The following CFAP299 variants were observed in gnomAD, a reference collection of about 807,000 sequenced individuals.
The protein encoded by CFAP299 is cilia and flagella associated protein 299.
In CFAP299, 21 loss-of-function variants were observed where a neutral mutation model predicts 27.0. That is an observed-to-expected ratio of 0.78 (90% confidence interval 0.55 to 1.12). The LOEUF is 1.12. Ranked by LOEUF, CFAP299 falls within the 50% of genes most tolerant of loss-of-function variation. CFAP299 has a pLI of 0.00. For missense variants in CFAP299, 310 were observed against 276.6 expected (o/e 1.12, Z -0.86); for synonymous variants, 104 against 98.1 (o/e 1.06, Z -0.36).
At chr4:80,445,267 A>T (rs1347379555) in intron 2 of CFAP299, among the ~76,000 whole-genome samples, 2 of 152,228 alleles carry the variant, frequency 1.3e-5, no homozygotes, top group Non-Finnish European at 2.9e-5. Flanking sequence ...TAGACTTGGA[A>T]CCAACCCAGA....
chr4:80,728,725 A>C (rs1723305696), intron 3 of CFAP299, among the ~76,000 whole-genome samples: 1 of 152,270 alleles, frequency 6.6e-6, no homozygotes, highest in East Asian at 1.9e-4. Flanking sequence ...TTCCTGCATT[A>C]GTCCCCAAAT....
chr4:80,852,797 T>C (rs1297206725), intron 3 of CFAP299, among the ~76,000 whole-genome samples: 5 of 152,206 alleles, frequency 3.3e-5, no homozygotes, highest in African/African-American at 1.2e-4. Context: ...GTTCTCTTTC[T>C]AATATTCAGC....
intron 2 of CFAP299, among the ~76,000 whole-genome samples, chr4:80,490,709 T>C (rs73829294): frequency 0.044 from 6,736 of 152,266 alleles, 508 homozygotes; most frequent in African/African-American, 0.15. Context: ...TTTAAATCAC[T>C]TTACAAAACA....
intron 3 of CFAP299, among the ~76,000 whole-genome samples, chr4:80,658,941 C>T (rs1740694208): frequency 6.6e-6 from 1 of 152,002 alleles, no homozygotes; most frequent in African/African-American, 2.4e-5. Flanking sequence ...TTATATTTTC[C>T]ACAGTAAAAA....
Position 80,394,779 on chromosome 4 carries a change from C to G in CFAP299, c.242+31895C>G, listed in dbSNP as rs564871685. On this transcript the variant is annotated intron_variant, in intron 2 of 5. Coordinates refer to ENST00000358105, the MANE Select transcript of CFAP299 (RefSeq NM_152770.3). ...TGGGCTTTCTGTTCTGGTTCATTGGCTTGTATGTCTGTTTTTATGCTGGTA... is the reference window on the plus strand; with the variant it reads ...TGGGCTTTCTGTTCTGGTTCATTGGGTTGTATGTCTGTTTTTATGCTGGTA... Among the ~76,000 whole-genome samples, 8 of 152,130 alleles carry G rather than the reference C, an allele frequency of 5.3e-5. No individual in the cohort carries two copies. In the East Asian group the frequency reaches 1.5e-3, roughly 29 times the overall value.
intron 4 of CFAP299, among the ~76,000 whole-genome samples, chr4:80,877,529 G>A (rs554010653): frequency 6.6e-6 from 1 of 152,258 alleles, no homozygotes; most frequent in South Asian, 2.1e-4. Context: ...TCTAGAATGT[G>A]TTTCCTTGAA....
chr4:80,896,305 G>A (rs189131783), intron 4 of CFAP299, among the ~76,000 whole-genome samples: 1 of 152,024 alleles, frequency 6.6e-6, no homozygotes, highest in Admixed American at 6.6e-5. Flanking sequence ...TTTTCAAAGT[G>A]GATACAATTT....
chr4:80,406,626 TC>T (rs1726438052), intron 2 of CFAP299, among the ~76,000 whole-genome samples: 2 of 152,096 alleles, frequency 1.3e-5, no homozygotes, highest in African/African-American at 4.8e-5. Flanking sequence ...TTAGTTAGTC[TC>T]CCAAAGCACT....
intron 2 of CFAP299, among the ~76,000 whole-genome samples, chr4:80,390,610 C>CATATATGTATATATGTATACACACAT (rs1416961189): frequency 7.0e-5 from 2 of 28,674 alleles, no homozygotes; most frequent in African/African-American, 2.4e-4. Flanking sequence ...TGTATACACA[C>CATATATGTATATATGTATACACACAT]ATATGTATAT....
At chr4:80,570,845 T>C (rs920599717) in intron 2 of CFAP299, among the ~76,000 whole-genome samples, 1 of 152,112 alleles carries the variant, frequency 6.6e-6, no homozygotes, top group Non-Finnish European at 1.5e-5. Flanking sequence ...AAATAAATGG[T>C]TGTATATTCA....
chr4:80,929,684 C>T (rs2110217495), intron 4 of CFAP299, among the ~76,000 whole-genome samples: 1 of 152,290 alleles, frequency 6.6e-6, no homozygotes, highest in African/African-American at 2.4e-5. Flanking sequence ...CTCTCTCTGC[C>T]TCCTGCCCCT....
At chr4:80,514,858 G>A (rs1290906269) in intron 2 of CFAP299, among the ~76,000 whole-genome samples, 1 of 152,002 alleles carries the variant, frequency 6.6e-6, no homozygotes, top group African/African-American at 2.4e-5. Flanking sequence ...TAAAAAAATA[G>A]TAATTTAGTA....
At chr4:80,538,301 TAA>T (rs1225659385) in intron 2 of CFAP299, among the ~76,000 whole-genome samples, 1 of 152,174 alleles carries the variant, frequency 6.6e-6, no homozygotes, top group Non-Finnish European at 1.5e-5. Context: ...CAGTGTTATT[TAA>T]AAAGAGTTAA....
intron 3 of CFAP299, among the ~76,000 whole-genome samples, chr4:80,671,834 C>T (rs954735063): frequency 6.6e-6 from 1 of 152,096 alleles, no homozygotes; most frequent in Non-Finnish European, 1.5e-5. Context: ...GTGATTTTTG[C>T]ACATTGATTT....
At position 80,429,012 on chromosome 4, in the gene CFAP299, G is replaced by T. The variant is rs1320423158; in HGVS notation, c.242+66128G>T. ...TAGAAAGAGCATGAGGTTATTTATGGGATGAGCATTTGACAAGTTCACACA... is the reference window on the plus strand; with the variant it reads ...TAGAAAGAGCATGAGGTTATTTATGTGATGAGCATTTGACAAGTTCACACA... On this transcript the variant is annotated intron_variant, in intron 2 of 5. Coordinates refer to ENST00000358105, the MANE Select transcript of CFAP299 (RefSeq NM_152770.3). 3.3e-5 allele frequency among the ~76,000 whole-genome samples: 5 copies of T among 152,080 alleles called. No individual in the cohort carries two copies. In the East Asian group the frequency reaches 9.6e-4, roughly 29 times the overall value.
chr4:80,581,705 A>C (rs1487954417), intron 2 of CFAP299, among the ~76,000 whole-genome samples: 1 of 151,354 alleles, frequency 6.6e-6, no homozygotes, highest in Non-Finnish European at 1.5e-5. Flanking sequence ...CCTTACCATC[A>C]CTTCTTTAAA....
At chr4:80,598,591 C>T (rs1242797842) in intron 3 of CFAP299, among the ~76,000 whole-genome samples, 1 of 152,042 alleles carries the variant, frequency 6.6e-6, no homozygotes, top group Non-Finnish European at 1.5e-5. Context: ...ATTTTGGAAT[C>T]CTAAATAATT....
At chr4:80,567,837 A>G (rs1735387556) in intron 2 of CFAP299, among the ~76,000 whole-genome samples, 1 of 151,394 alleles carries the variant, frequency 6.6e-6, no homozygotes. Flanking sequence ...GATGCTTGAA[A>G]TTTTCATTTA....
At chr4:80,485,873 C>G (rs1370348241) in intron 2 of CFAP299, among the ~76,000 whole-genome samples, 2 of 152,122 alleles carry the variant, frequency 1.3e-5, no homozygotes, top group African/African-American at 4.8e-5. Context: ...ATGCCTTAGC[C>G]ACTAATAATC....
Sources: allele counts gnomAD v4.1 joint callset (sites outside exome capture counted in the v4.1 genomes callset), GRCh38; gene constraint gnomAD v4.1.1; transcripts MANE v1.5; gene names NCBI Gene and HGNC (gene_info 2026-07-23, HGNC 2026-07-21).